ACVR1: variants seen among roughly 807,000 people sequenced by gnomAD.
ACVR1 encodes the protein activin A receptor type 1.
Under a neutral mutation model 57.1 loss-of-function variants are expected in ACVR1, and 38 were observed. The ratio of observed to expected loss-of-function variants is 0.67; its 90% CI spans 0.51 to 0.87. The LOEUF (loss-of-function observed/expected upper bound fraction) is 0.87. ACVR1 is among the 40% of genes least tolerant of loss of function. The probability of loss-of-function intolerance (pLI) is 0.00; values close to 1 mark genes in which losing one functional copy is unlikely to be tolerated. For synonymous variants in ACVR1, 212 were observed against 228.1 expected (o/e 0.93, Z 0.63); for missense variants, 463 against 638.2 (o/e 0.73, Z 2.96).
intron 1 of ACVR1, among the ~76,000 whole-genome samples, chr2:157,853,636 T>C (rs1461656617): frequency 6.6e-6 from 1 of 152,180 alleles, no homozygotes; most frequent in East Asian, 1.9e-4. Flanking sequence ...TTTTCCTCCC[T>C]AAAATCCAAT....
chr2:157,863,009 T>G (rs1689771443), intron 1 of ACVR1, among the ~76,000 whole-genome samples: 1 of 109,270 alleles, frequency 9.2e-6, no homozygotes, highest in Admixed American at 1.2e-4. Flanking sequence ...GTAGAACATT[T>G]ACTTTTTTTT....
At chr2:157,799,524 T>C (rs758470691) in intron 2 of ACVR1, 24 bp from the exon 3 acceptor site, 2 of 1,565,024 alleles carry the variant, frequency 1.3e-6, no homozygotes, top group South Asian at 1.1e-5. Flanking sequence ...AGAAGAGATG[T>C]AAGTAAAGCA....
At chr2:157,832,842 ACAT>A (rs1000453831) in intron 1 of ACVR1, among the ~76,000 whole-genome samples, 5 of 152,218 alleles carry the variant, frequency 3.3e-5, no homozygotes, top group African/African-American at 1.2e-4. Flanking sequence ...ACAGGTTGAA[ACAT>A]CAGCTTTTTG....
At chr2:157,855,269 AGTGTGTG>A (rs1459668850) in intron 1 of ACVR1, among the ~76,000 whole-genome samples, 11 of 85,182 alleles carry the variant, frequency 1.3e-4, no homozygotes, top group African/African-American at 5.6e-4. Flanking sequence ...AAAAAAAAAA[AGTGTGTG>A]TGTGTGTGTG....
At chr2:157,804,419 G>A (rs1477919150) in intron 2 of ACVR1, among the ~76,000 whole-genome samples, 1 of 152,074 alleles carries the variant, frequency 6.6e-6, no homozygotes, top group Non-Finnish European at 1.5e-5. Flanking sequence ...AAATATTTTT[G>A]AAATGGGATA....
chr2:157,874,474 T>C (rs1303384794), intron 1 of ACVR1, among the ~76,000 whole-genome samples: 1 of 152,232 alleles, frequency 6.6e-6, no homozygotes, highest in Non-Finnish European at 1.5e-5. Flanking sequence ...TAGTGTCTGC[T>C]GGCTGCCCAA....
intron 2 of ACVR1, among the ~76,000 whole-genome samples, chr2:157,802,694 T>TA (rs1687369893): frequency 1.3e-5 from 2 of 152,298 alleles, no homozygotes; most frequent in South Asian, 2.1e-4. Flanking sequence ...TCTAAACCCT[T>TA]AAGTACTCTC....
At chr2:157,782,581 C>G (rs1326463464) in intron 3 of ACVR1, among the ~76,000 whole-genome samples, 1 of 152,122 alleles carries the variant, frequency 6.6e-6, no homozygotes, top group Non-Finnish European at 1.5e-5. Flanking sequence ...CAAAAGAGAG[C>G]TGAAGGATAA....
chr2:157,779,030 A>G (rs931481689), intron 4 of ACVR1, among the ~76,000 whole-genome samples: 1 of 152,206 alleles, frequency 6.6e-6, no homozygotes, highest in African/African-American at 2.4e-5. Flanking sequence ...AAGCCCAACT[A>G]ATCAACAGCT....
intron 1 of ACVR1, among the ~76,000 whole-genome samples, chr2:157,840,179 G>C (rs891023838): frequency 2.0e-5 from 3 of 152,042 alleles, no homozygotes; most frequent in African/African-American, 7.2e-5. Flanking sequence ...ACTGACAAAA[G>C]AAGAAGTGGA....
intron 9 of ACVR1, among the ~76,000 whole-genome samples, chr2:157,739,982 G>C (rs1000157099): frequency 2.6e-5 from 4 of 152,036 alleles, no homozygotes; most frequent in Non-Finnish European, 5.9e-5. Flanking sequence ...GTCAGTGTTC[G>C]AGACAAGCCT....
intron 1 of ACVR1, among the ~76,000 whole-genome samples, chr2:157,848,510 G>T (rs950968636): frequency 2.0e-5 from 3 of 152,172 alleles, no homozygotes; most frequent in Admixed American, 2.0e-4. Context: ...TCCCAGCTGA[G>T]GCCCCAGACA....
intron 1 of ACVR1, among the ~76,000 whole-genome samples, chr2:157,853,280 T>C (rs1689387946): frequency 1.3e-5 from 2 of 152,276 alleles, no homozygotes; most frequent in South Asian, 4.1e-4. Flanking sequence ...AAGTCCAAGA[T>C]CAGGATGCCT....
rs1690281840 is a variant in ACVR1 at position 157,876,047 on chromosome 2, C to G, written c.-434G>C. 7.0e-6 allele frequency among the ~76,000 whole-genome samples: 1 copy of G among 143,692 alleles called. No individual in the cohort carries two copies. The highest frequency in any genetic ancestry group is 2.6e-5 in the African/African-American group (1 of 38,910). The allele number at this position is 143,692 out of a possible 152,430, so 94.3% of individuals were successfully genotyped here. ...CGGCCCTGGGGCCGGCGCGGCTGGCCGAGGAGCAGGCTGGCAGCGGCAGCG... is the reference window on the plus strand; with the variant it reads ...CGGCCCTGGGGCCGGCGCGGCTGGCGGAGGAGCAGGCTGGCAGCGGCAGCG... On this transcript the variant is annotated 5_prime_UTR_variant, in exon 1 of 11. Coordinates refer to ENST00000434821, the MANE Select transcript of ACVR1 (RefSeq NM_001111067.4).
chr2:157,814,641 G>A (rs1203069261), intron 2 of ACVR1, among the ~76,000 whole-genome samples: 1 of 152,136 alleles, frequency 6.6e-6, no homozygotes, highest in Non-Finnish European at 1.5e-5. Flanking sequence ...GGATCCCATA[G>A]ATACACTCAC....
intron 2 of ACVR1, 126 bp from the exon 3 acceptor site, chr2:157,799,626 C>T (rs1158199557): frequency 1.1e-5 from 8 of 701,228 alleles, no homozygotes; most frequent in South Asian, 9.4e-5. Flanking sequence ...GATATATTGC[C>T]TTACTTCTTA....
intron 1 of ACVR1, among the ~76,000 whole-genome samples, chr2:157,828,827 C>T (rs1384412027): frequency 6.6e-6 from 1 of 152,008 alleles, no homozygotes; most frequent in Non-Finnish European, 1.5e-5. Context: ...AGTGCAGTGG[C>T]ACAATCTTGG....
chr2:157,738,614 CAGGTTGCCCCA>C (rs1469827995), intron 9 of ACVR1, 44 bp from the exon 10 acceptor site: 4 of 1,613,542 alleles, frequency 2.5e-6, no homozygotes, highest in Non-Finnish European at 3.4e-6. Flanking sequence ...CAAGAGAGTA[CAGGTTGCCCCA>C]AGGTTTCATT....
chr2:157,796,719 A>C (rs1311269367), intron 3 of ACVR1, among the ~76,000 whole-genome samples: 1 of 152,006 alleles, frequency 6.6e-6, no homozygotes, highest in Non-Finnish European at 1.5e-5. Context: ...AAAAAGTCCT[A>C]GAAACTTGAC....
Sources: allele counts gnomAD v4.1 joint callset (sites outside exome capture counted in the v4.1 genomes callset), GRCh38; gene constraint gnomAD v4.1.1; transcripts MANE v1.5; gene names NCBI Gene and HGNC (gene_info 2026-07-23, HGNC 2026-07-21).